The following RGS21 variants were observed in gnomAD, a reference collection of about 807,000 sequenced individuals.
RGS21 encodes the protein regulator of G protein signaling 21.
RGS21 carries 19 observed loss-of-function variants against 18.7 expected under a neutral mutation model. The observed-to-expected ratio is 1.01, with a 90% CI of 0.71 to 1.49. The LOEUF (loss-of-function observed/expected upper bound fraction) is 1.49. Ranked by LOEUF, RGS21 falls within the 40% of genes most tolerant of loss-of-function variation. The pLI is 0.00. For missense variants in RGS21, 194 were observed against 176.8 expected (o/e 1.10, Z -0.55); for synonymous variants, 56 against 57.8 (o/e 0.97, Z 0.14).
rs774484542 is a variant in RGS21 at position 192,347,392 on chromosome 1, A to C, written c.88+3A>C. On this transcript the variant is annotated splice_donor_region_variant and intron_variant, in intron 3 of 4. Transcript: ENST00000417209. ...GGACACGCTTTTAGCCAACCAAGGT[A>C]AGATTTAACTAATAATAGGCTTAAA... 8.8e-6 allele frequency: 13 copies of C among 1,478,518 alleles called. No individual in the cohort carries two copies. Among genetic ancestry groups the C allele is most frequent in the Middle Eastern group, 1.7e-4 (1 of 5,780 alleles). The allele number at this position is 1,478,518 out of a possible 1,614,324, so 91.6% of individuals were successfully genotyped here. A position where few individuals can be genotyped will look rare whatever the true frequency, so the allele number is the denominator to read the frequency against.
intron 1 of RGS21, among the ~76,000 whole-genome samples, chr1:192,342,670 T>A (rs576203846): frequency 8.6e-5 from 13 of 151,788 alleles, no homozygotes; most frequent in Non-Finnish European, 1.8e-4. Flanking sequence ...ATATTTATAA[T>A]ATGTATATCA....
At chr1:192,346,110 T>C (rs1246109713) in intron 2 of RGS21, among the ~76,000 whole-genome samples, 1 of 151,960 alleles carries the variant, frequency 6.6e-6, no homozygotes, top group African/African-American at 2.4e-5. Context: ...GAGAAGGAAA[T>C]TTTAGATTGG....
intron 4 of RGS21, among the ~76,000 whole-genome samples, chr1:192,360,875 C>T (rs771153898): frequency 1.1e-4 from 16 of 152,054 alleles, no homozygotes; most frequent in South Asian, 2.1e-4. Context: ...TCCTTAGGGA[C>T]GCAATTTTTT....
At chr1:192,362,244 G>A (rs767897585) in intron 4 of RGS21, among the ~76,000 whole-genome samples, 2 of 152,020 alleles carry the variant, frequency 1.3e-5, no homozygotes, top group African/African-American at 2.4e-5. Context: ...TTATATTTTG[G>A]TAAAACTGAT....
chr1:192,342,005 C>G (rs956221412), intron 1 of RGS21, among the ~76,000 whole-genome samples: 1 of 151,942 alleles, frequency 6.6e-6, no homozygotes, highest in Non-Finnish European at 1.5e-5. Flanking sequence ...GATACACCGA[C>G]TTTTTAGGTC....
intron 4 of RGS21, among the ~76,000 whole-genome samples, chr1:192,355,877 A>G (rs1202429103): frequency 6.6e-6 from 1 of 151,462 alleles, no homozygotes; most frequent in Non-Finnish European, 1.5e-5. Flanking sequence ...GAGGATGAAA[A>G]TATGTCATTA....
At chr1:192,362,819 C>T (rs999533430) in intron 4 of RGS21, among the ~76,000 whole-genome samples, 7 of 152,060 alleles carry the variant, frequency 4.6e-5, no homozygotes, top group African/African-American at 1.7e-4. Flanking sequence ...AAAATTTAAA[C>T]ATGATTTTGA....
intron 4 of RGS21, among the ~76,000 whole-genome samples, chr1:192,353,752 T>C (rs1356919114): frequency 6.6e-6 from 1 of 151,668 alleles, no homozygotes; most frequent in African/African-American, 2.4e-5. Context: ...TGTAATAATT[T>C]AACTAAATAG....
At chr1:192,317,683 A>G (rs1212838057) in intron 1 of RGS21, among the ~76,000 whole-genome samples, 1 of 152,032 alleles carries the variant, frequency 6.6e-6, no homozygotes, top group African/African-American at 2.4e-5. Context: ...AAATGACTTG[A>G]GTAGAACTTG....
chr1:192,348,022 A>AT lies in RGS21; in HGVS notation c.88+647dup, dbSNP rs796305729. Among the ~76,000 whole-genome samples, 996 of 141,082 alleles carry AT rather than the reference A, an allele frequency of 7.1e-3. 10 individuals are homozygous for AT. Among genetic ancestry groups the AT allele is most frequent in the African/African-American group, 0.019 (745 of 38,594 alleles). 92.6% of individuals were successfully genotyped at this position (141,082 alleles called of 152,430 possible). On this transcript the variant is annotated intron_variant, in intron 3 of 4. Transcript: ENST00000417209. ...CACATACACATACATATATATATGT[A>AT]TTTTTTTTTTTTTTGAGACGGAGTC...
At chr1:192,361,753 ATCTGGCTGG>A (rs1259603567) in intron 4 of RGS21, among the ~76,000 whole-genome samples, 1 of 151,914 alleles carries the variant, frequency 6.6e-6, no homozygotes, top group Non-Finnish European at 1.5e-5. Flanking sequence ...ACCATGTTGG[ATCTGGCTGG>A]TCTTTAACTC....
intron 1 of RGS21, among the ~76,000 whole-genome samples, chr1:192,336,506 A>C (rs976050893): frequency 6.6e-6 from 1 of 152,156 alleles, no homozygotes; most frequent in Non-Finnish European, 1.5e-5. Context: ...AAAGAATGAT[A>C]AATTCAATGC....
At chr1:192,335,247 T>C (rs1557976308) in intron 1 of RGS21, among the ~76,000 whole-genome samples, 1 of 152,170 alleles carries the variant, frequency 6.6e-6, no homozygotes. Context: ...TTAAACTAAG[T>C]AACTTTTGGG....
intron 1 of RGS21, among the ~76,000 whole-genome samples, chr1:192,322,171 T>G (rs757249997): frequency 6.6e-6 from 1 of 151,546 alleles, no homozygotes; most frequent in Non-Finnish European, 1.5e-5. Context: ...AAAGGTATAC[T>G]CAGTTCCTTT....
chr1:192,334,048 A>G (rs1322464174), intron 1 of RGS21, among the ~76,000 whole-genome samples: 2 of 152,232 alleles, frequency 1.3e-5, no homozygotes, highest in Non-Finnish European at 2.9e-5. Context: ...GTTTACTTTA[A>G]CATATGGCTC....
intron 4 of RGS21, 103 bp from the exon 5 acceptor site, chr1:192,365,818 A>T: frequency 1.6e-6 from 1 of 631,214 alleles, no homozygotes; most frequent in Non-Finnish European, 2.7e-6. Context: ...GTTTTGCATC[A>T]GATTTGCTTT....
chr1:192,328,800 C>A (rs546214362), intron 1 of RGS21, among the ~76,000 whole-genome samples: 12 of 152,046 alleles, frequency 7.9e-5, no homozygotes, highest in Non-Finnish European at 1.8e-4. Context: ...GGAGAAATAA[C>A]CCTTAAGTTT....
At chr1:192,323,620 T>C (rs1658525966) in intron 1 of RGS21, among the ~76,000 whole-genome samples, 3 of 152,132 alleles carry the variant, frequency 2.0e-5, no homozygotes, top group Admixed American at 6.6e-5. Flanking sequence ...GACATGTGGA[T>C]AGAGGGCAAA....
chr1:192,349,966 C>A (rs770435268), intron 3 of RGS21, among the ~76,000 whole-genome samples: 1 of 152,124 alleles, frequency 6.6e-6, no homozygotes, highest in Non-Finnish European at 1.5e-5. Context: ...ACACTTTATT[C>A]TCTCTATAAA....
Sources: allele counts gnomAD v4.1 joint callset (sites outside exome capture counted in the v4.1 genomes callset), GRCh38; gene constraint gnomAD v4.1.1; transcripts MANE v1.5; gene names NCBI Gene and HGNC (gene_info 2026-07-23, HGNC 2026-07-21).